Variants in PALLD observed in about 807,000 individuals in gnomAD.
PALLD encodes palladin.
A neutral mutation model predicts 123.5 loss-of-function variants in PALLD; 61 were observed. The observed-to-expected ratio is 0.49, with a 90% CI of 0.40 to 0.61. PALLD has a LOEUF of 0.61. Among genes scored for constraint, PALLD ranks in the 20% least tolerant of loss-of-function variants. The probability of loss-of-function intolerance (pLI) is 0.00; values close to 1 mark genes in which losing one functional copy is unlikely to be tolerated. For synonymous variants in PALLD, 465 were observed against 496.4 expected (o/e 0.94, Z 0.84); for missense variants, 1,273 against 1,377.0 (o/e 0.92, Z 1.20).
At chr4:168,832,866 T>C in intron 10 of PALLD, 1 of 152,336 alleles carries the variant, frequency 6.6e-6, no homozygotes, top group Non-Finnish European at 1.5e-5. Context: ...CTCAGTCCCC[T>C]CAGTCCCAGG....
intron 2 of PALLD, among the ~76,000 whole-genome samples, chr4:168,570,039 G>T (rs1278128142): frequency 6.6e-6 from 1 of 152,004 alleles, no homozygotes. Flanking sequence ...TTTATCTACC[G>T]TGTAAATGTA....
At chr4:168,526,384 G>A (rs1166406388) in intron 2 of PALLD, among the ~76,000 whole-genome samples, 2 of 152,266 alleles carry the variant, frequency 1.3e-5, no homozygotes, top group Non-Finnish European at 2.9e-5. Context: ...TTTCATTACA[G>A]TTTGTTCTGG....
chr4:168,583,475 G>A (rs1263996088), intron 2 of PALLD, among the ~76,000 whole-genome samples: 1 of 152,078 alleles, frequency 6.6e-6, no homozygotes, highest in Admixed American at 6.6e-5. Context: ...GAGCTCCCAG[G>A]GAGTACTGAT....
At chr4:168,518,914 T>C (rs2149447221) in intron 2 of PALLD, among the ~76,000 whole-genome samples, 1 of 152,284 alleles carries the variant, frequency 6.6e-6, no homozygotes, top group Middle Eastern at 3.4e-3. Flanking sequence ...CTCAAGAAAC[T>C]GGAAAGAACC....
intron 10 of PALLD, among the ~76,000 whole-genome samples, chr4:168,759,191 AAAAAAAAAAAAATATATATATAT>A (rs1259414641): frequency 2.0e-4 from 6 of 29,548 alleles, no homozygotes; most frequent in Non-Finnish European, 4.1e-4. Context: ...AAAAAAAAAA[AAAAAAAAAAAAATATATATATAT>A]ATATATATAT....
At chr4:168,722,994 T>G (rs978433181) in intron 10 of PALLD, among the ~76,000 whole-genome samples, 1 of 152,122 alleles carries the variant, frequency 6.6e-6, no homozygotes, top group Non-Finnish European at 1.5e-5. Flanking sequence ...GTGGTTGTGA[T>G]CAAAGAGAGG....
At chr4:168,640,059 G>T (rs1776787153) in intron 2 of PALLD, among the ~76,000 whole-genome samples, 1 of 152,176 alleles carries the variant, frequency 6.6e-6, no homozygotes, top group African/African-American at 2.4e-5. Context: ...TCTCATGAAG[G>T]TATGAGAAAG....
intron 2 of PALLD, among the ~76,000 whole-genome samples, chr4:168,559,905 A>AG (rs796869580): frequency 4.6e-5 from 7 of 152,146 alleles, no homozygotes; most frequent in African/African-American, 1.4e-4. Context: ...AAAGAGAGAG[A>AG]GAAAAAAAAA....
intron 11 of PALLD, among the ~76,000 whole-genome samples, chr4:168,891,375 G>A (rs1251311113): frequency 6.6e-6 from 1 of 152,120 alleles, no homozygotes; most frequent in African/African-American, 2.4e-5. Flanking sequence ...TGCTTAGGCT[G>A]GTTTCAAACT....
At chr4:168,805,187 A>G (rs1009423307) in intron 10 of PALLD, among the ~76,000 whole-genome samples, 1 of 151,938 alleles carries the variant, frequency 6.6e-6, no homozygotes, top group Non-Finnish European at 1.5e-5. Flanking sequence ...AAGTGAGACC[A>G]TTACTCAAAA....
At chr4:168,530,178 A>G (rs1007839312) in intron 2 of PALLD, among the ~76,000 whole-genome samples, 4 of 152,216 alleles carry the variant, frequency 2.6e-5, no homozygotes, top group African/African-American at 9.6e-5. Context: ...ATTGGTAATA[A>G]AGGAAGATAG....
intron 2 of PALLD, among the ~76,000 whole-genome samples, chr4:168,654,269 T>C (rs1410261144): frequency 6.6e-6 from 1 of 152,168 alleles, no homozygotes; most frequent in Non-Finnish European, 1.5e-5. Flanking sequence ...AGTTGTTTTT[T>C]TTGGGGAGGA....
chr4:168,843,187 A>C (rs1268748051), intron 10 of PALLD, among the ~76,000 whole-genome samples: 1 of 152,204 alleles, frequency 6.6e-6, no homozygotes, highest in Admixed American at 6.5e-5. Context: ...AATTTATGCT[A>C]GTTTATATTT....
chr4:168,803,529 C>CA (rs1386978787), intron 10 of PALLD, among the ~76,000 whole-genome samples: 2 of 151,678 alleles, frequency 1.3e-5, no homozygotes, highest in East Asian at 3.9e-4. Flanking sequence ...TACCAATAAT[C>CA]AAAAAAATTA....
At chr4:168,771,795 T>G (rs1361131546) in intron 10 of PALLD, among the ~76,000 whole-genome samples, 3 of 152,138 alleles carry the variant, frequency 2.0e-5, no homozygotes, top group African/African-American at 7.2e-5. Flanking sequence ...CCTGGATGTT[T>G]GAAAGTTTCA....
intron 1 of PALLD, chr4:168,507,664 C>T (rs904806888): frequency 6.7e-5 from 13 of 194,460 alleles, no homozygotes; most frequent in South Asian, 3.9e-4. Context: ...ACCTCTGTCC[C>T]GGATCCAGAC....
At chr4:168,924,160 A>G (rs1044714740) in intron 18 of PALLD, 95 bp from the exon 19 acceptor site, 2 of 1,074,862 alleles carry the variant, frequency 1.9e-6, no homozygotes, top group Admixed American at 1.9e-5. Context: ...GTATCATAAA[A>G]GATCTATTCA....
intron 10 of PALLD, among the ~76,000 whole-genome samples, chr4:168,865,446 A>G (rs975486591): frequency 6.6e-6 from 1 of 152,198 alleles, no homozygotes; most frequent in African/African-American, 2.4e-5. Context: ...TAGCATTTAA[A>G]CTATCAATGG....
chr4:168,918,428 C>T (rs976507046), intron 17 of PALLD, among the ~76,000 whole-genome samples: 2 of 151,682 alleles, frequency 1.3e-5, no homozygotes, highest in Non-Finnish European at 2.9e-5. Flanking sequence ...GTGAAATAGG[C>T]CAGGCACAGA....
Sources: allele counts gnomAD v4.1 joint callset (sites outside exome capture counted in the v4.1 genomes callset), GRCh38; gene constraint gnomAD v4.1.1; transcripts MANE v1.5; gene names NCBI Gene and HGNC (gene_info 2026-07-23, HGNC 2026-07-21).